ALDH1L2: variants seen among roughly 807,000 people sequenced by gnomAD.
The protein encoded by ALDH1L2 is aldehyde dehydrogenase 1 family member L2, also known as mitochondrial 10-formyltetrahydrofolate dehydrogenase.
Under a neutral mutation model 111.0 loss-of-function variants are expected in ALDH1L2, and 91 were observed. The ratio of observed to expected loss-of-function variants is 0.82; its 90% CI spans 0.69 to 0.98. ALDH1L2 has a LOEUF of 0.98. Ranked by LOEUF, ALDH1L2 falls within the 50% of genes least tolerant of loss-of-function variation. ALDH1L2 has a pLI of 0.00. For missense variants in ALDH1L2, 995 were observed against 1,126.8 expected (o/e 0.88, Z 1.67); for synonymous variants, 374 against 392.6 (o/e 0.95, Z 0.56).
At position 105,068,887 on chromosome 12, in the gene ALDH1L2, G is replaced by A. The variant is rs1877528438; in HGVS notation, c.429-3C>T. 3.2e-6 allele frequency: 5 copies of A among 1,540,054 alleles called. No homozygotes were observed. The highest frequency in any genetic ancestry group is 1.4e-5 in the African/African-American group (1 of 71,252). On this transcript the variant is annotated splice_polypyrimidine_tract_variant and splice_region_variant and intron_variant, in intron 3 of 22. Coordinates refer to ENST00000258494, the MANE Select transcript of ALDH1L2 (RefSeq NM_001034173.4). ...TCTTATCTCCCATAATTAGAGTCCTGTGAAAAGAAGAATTTCAATTTAAAA... is the reference window on the plus strand; with the variant it reads ...TCTTATCTCCCATAATTAGAGTCCTATGAAAAGAAGAATTTCAATTTAAAA...
intron 6 of ALDH1L2, among the ~76,000 whole-genome samples, chr12:105,064,304 A>T (rs1877215941): frequency 6.6e-6 from 1 of 151,336 alleles, no homozygotes. Context: ...CTTCACAATT[A>T]CCCATAACCT....
intron 10 of ALDH1L2, among the ~76,000 whole-genome samples, chr12:105,054,078 T>C (rs1295355357): frequency 1.3e-5 from 2 of 151,882 alleles, no homozygotes; most frequent in African/African-American, 4.8e-5. Context: ...ATAATAATAA[T>C]GGAGGTAATA....
chr12:105,055,576 T>G (rs1440135917), intron 10 of ALDH1L2, among the ~76,000 whole-genome samples: 1 of 151,892 alleles, frequency 6.6e-6, no homozygotes, highest in Non-Finnish European at 1.5e-5. Context: ...AAAAAGCAGC[T>G]AATAGAAACC....
chr12:105,061,223 T>G, intron 8 of ALDH1L2, 151 bp from the exon 9 acceptor site: 2 of 710,104 alleles, frequency 2.8e-6, no homozygotes, highest in African/African-American at 1.8e-5. Flanking sequence ...CTCTCCAAGT[T>G]AGATGCAACC....
chr12:105,047,062 T>C, intron 13 of ALDH1L2, 93 bp from the exon 14 acceptor site: 1 of 1,387,168 alleles, frequency 7.2e-7, no homozygotes. Context: ...TCTCTTACTT[T>C]TTGTTAGCTG....
chr12:105,030,444 CAA>C lies in ALDH1L2; in HGVS notation c.2411-17_2411-16del. ...CATGAAAAAGCCTTTTTGGAAAAAACAAAGAAAAAATGTCAACTGTAGGTTAA... is the reference window on the plus strand; with the variant it reads ...CATGAAAAAGCCTTTTTGGAAAAAACAGAAAAAATGTCAACTGTAGGTTAA... On this transcript the variant is annotated splice_polypyrimidine_tract_variant and intron_variant, in intron 20 of 22. Coordinates refer to ENST00000258494, the MANE Select transcript of ALDH1L2 (RefSeq NM_001034173.4). 6.3e-7 allele frequency: 1 copy of C among 1,596,504 alleles called. No homozygotes were observed. The highest frequency in any genetic ancestry group is 8.5e-7 in the Non-Finnish European group (1 of 1,171,904).
chr12:105,050,096 T>C (rs759946899), intron 12 of ALDH1L2, 38 bp from the exon 13 acceptor site: 3 of 1,526,080 alleles, frequency 2.0e-6, no homozygotes, highest in Admixed American at 4.2e-5. Flanking sequence ...CAACAAGTAT[T>C]GATTGAGCTC....
chr12:105,082,568 T>G (rs1211556575), intron 1 of ALDH1L2, among the ~76,000 whole-genome samples: 1 of 152,212 alleles, frequency 6.6e-6, no homozygotes, highest in African/African-American at 2.4e-5. Flanking sequence ...TTCCATTGTA[T>G]GGATGGATAT....
At chr12:105,049,335 G>A (rs1876109835) in intron 13 of ALDH1L2, among the ~76,000 whole-genome samples, 1 of 152,182 alleles carries the variant, frequency 6.6e-6, no homozygotes, top group Non-Finnish European at 1.5e-5. Context: ...AGGCATCCAT[G>A]TCCTCAAGCC....
At chr12:105,074,652 AT>A (rs1484043934) in intron 1 of ALDH1L2, among the ~76,000 whole-genome samples, 3 of 152,034 alleles carry the variant, frequency 2.0e-5, no homozygotes, top group African/African-American at 7.3e-5. Context: ...TCCAATCTAA[AT>A]GGGATTCGCT....
intron 22 of ALDH1L2, among the ~76,000 whole-genome samples, chr12:105,025,557 GA>G (rs1164131459): frequency 6.6e-6 from 1 of 152,108 alleles, no homozygotes; most frequent in Non-Finnish European, 1.5e-5. Context: ...AGTTGGGGGG[GA>G]AGCCCTTACC....
At chr12:105,031,674 T>C (rs1874704411) in intron 20 of ALDH1L2, 95 bp downstream of exon 20, 2 of 1,501,320 alleles carry the variant, frequency 1.3e-6, no homozygotes, top group East Asian at 2.3e-5. Flanking sequence ...AGAGATGAAG[T>C]TTCACCATGT....
At chr12:105,063,113 A>C (rs986623181) in intron 6 of ALDH1L2, 91 bp from the exon 7 acceptor site, 2 of 1,340,634 alleles carry the variant, frequency 1.5e-6, no homozygotes, top group South Asian at 3.3e-5. Context: ...AAAACGCTGA[A>C]GTTCATATTA....
chr12:105,060,909 T>G (rs2136089576), intron 9 of ALDH1L2, 72 bp downstream of exon 9: 1 of 1,397,714 alleles, frequency 7.2e-7, no homozygotes, highest in Non-Finnish European at 1.0e-6. Flanking sequence ...GTGTGTGGAT[T>G]TCACTGTCAA....
chr12:105,037,608 T>C (rs1875234667), intron 18 of ALDH1L2, among the ~76,000 whole-genome samples: 1 of 152,212 alleles, frequency 6.6e-6, no homozygotes, highest in Non-Finnish European at 1.5e-5. Flanking sequence ...AGAGGAATTA[T>C]AAAGACATTA....
chr12:105,039,491 A>G (rs1383600226), intron 17 of ALDH1L2, among the ~76,000 whole-genome samples: 1 of 152,240 alleles, frequency 6.6e-6, no homozygotes. Flanking sequence ...AACTACCAGT[A>G]GGGCACAGAA....
chr12:105,035,821 GTGTCTA>G (rs1178007271), intron 18 of ALDH1L2, among the ~76,000 whole-genome samples: 2 of 111,514 alleles, frequency 1.8e-5, no homozygotes, highest in African/African-American at 8.8e-5. Flanking sequence ...TATATATAGT[GTGTCTA>G]TATATATATA....
intron 4 of ALDH1L2, among the ~76,000 whole-genome samples, chr12:105,068,111 C>CT (rs1212487759): frequency 1.3e-5 from 2 of 152,170 alleles, no homozygotes; most frequent in African/African-American, 4.8e-5. Flanking sequence ...CTGCTTTCCT[C>CT]TCTCCTAAAT....
intron 10 of ALDH1L2, among the ~76,000 whole-genome samples, chr12:105,054,320 A>G (rs1876481917): frequency 6.6e-6 from 1 of 152,204 alleles, no homozygotes; most frequent in Non-Finnish European, 1.5e-5. Context: ...GACCTCTGAA[A>G]ATCCACTCCT....
Sources: gnomAD v4.1 joint callset for allele counts (sites outside exome capture counted in the v4.1 genomes callset) on GRCh38, gnomAD v4.1.1 for gene constraint, MANE v1.5 for transcripts, NCBI Gene and HGNC (gene_info 2026-07-23, HGNC 2026-07-21) for gene names.